The following ING5 variants were observed in gnomAD, a reference collection of about 807,000 sequenced individuals.
The protein encoded by ING5 is inhibitor of growth protein 5.
In ING5, 17 loss-of-function variants were observed where a neutral mutation model predicts 37.4. The observed-to-expected ratio is 0.45, with a 90% confidence interval of 0.31 to 0.68. ING5 has a LOEUF of 0.68. Among genes scored for constraint, ING5 ranks in the 30% least tolerant of loss-of-function variants. ING5 has a pLI of 0.05. For missense variants in ING5, 233 were observed against 311.9 expected (o/e 0.75, Z 1.91); for synonymous variants, 123 against 116.6 (o/e 1.06, Z -0.36).
rs1356948183 is a variant in ING5, at chr2:241,702,105, A to G, written c.37+3A>G. 1 of 1,339,184 alleles carries G rather than the reference A, an allele frequency of 7.5e-7. No homozygotes were observed. Among genetic ancestry groups the G allele is most frequent in the Non-Finnish European group, 9.6e-7 (1 of 1,037,006 alleles). 83.0% of individuals were successfully genotyped at this position (1,339,184 alleles called of 1,614,324 possible). ...GTACTTGGAGCACTATCTGGACAGT[A>G]AGCGCGCCCCACGGGCCCCGCGCCC... On this transcript the variant is annotated splice_donor_region_variant and intron_variant, in intron 1 of 7. Transcript: ENST00000313552.
chr2:241,707,000 C>T (rs1351982294), intron 2 of ING5, among the ~76,000 whole-genome samples: 7 of 132,412 alleles, frequency 5.3e-5, no homozygotes, highest in African/African-American at 2.0e-4. Flanking sequence ...ACTCTTGTTG[C>T]CCAGGCTGGC....
chr2:241,711,862 C>T, intron 4 of ING5, 116 bp from the exon 5 acceptor site: 1 of 928,022 alleles, frequency 1.1e-6, no homozygotes, highest in African/African-American at 1.7e-5. Context: ...GATTGCTCCG[C>T]TGCACTCCAG....
upstream of ING5, chr2:241,701,889 G>T (rs1409541970): frequency 5.9e-6 from 2 of 339,034 alleles, no homozygotes; most frequent in Non-Finnish European, 1.0e-5. Flanking sequence ...CACAACCTCC[G>T]CCCGGGCCCC....
At chr2:241,702,154 G>C in intron 1 of ING5, 52 bp downstream of exon 1, 1 of 1,132,366 alleles carries the variant, frequency 8.8e-7, no homozygotes, top group Non-Finnish European at 1.1e-6. Flanking sequence ...AGTCCTCCGT[G>C]CCGCAGCCCC....
chr2:241,687,507 G>C (rs527290084), exon 1 of ING5: 2 of 393,826 alleles, frequency 5.1e-6, no homozygotes, highest in Admixed American at 4.5e-5. Context: ...CAGGGCTCTG[G>C]AAAGTCCGTG....
chr2:241,721,723 A>T, intron 5 of ING5: 2 of 985,436 alleles, frequency 2.0e-6, no homozygotes, highest in Non-Finnish European at 1.2e-6. Context: ...TTTCTGTACT[A>T]ATGGGAATAC....
In ING5 at chr2:241,714,366, G is replaced by A. The variant is rs2070202781; in HGVS notation, c.482+2295G>A. Among the ~76,000 whole-genome samples the A allele has an allele frequency of 2.0e-5, 3 of 152,102 alleles. No individual in the cohort carries two copies. In the South Asian group the frequency reaches 6.2e-4, roughly 32 times the overall value. On this transcript the variant is annotated intron_variant, in intron 5 of 7. Transcript: ENST00000313552. ...TATTCTAAGTGTACAGTTTGATGTT[G>A]CATTCAGTTCCTTTAAAGTTATGGA...
chr2:241,704,065 C>T (rs994813260), intron 1 of ING5, among the ~76,000 whole-genome samples: 10 of 152,210 alleles, frequency 6.6e-5, no homozygotes, highest in South Asian at 4.1e-4. Context: ...GGGGGGCAGC[C>T]TAGAGGGTGG....
rs941051384 is a variant in ING5, at chr2:241,723,367, C to T, written c.680+96C>T. 3.9e-5 allele frequency: 52 copies of T among 1,322,966 alleles called. 1 individual carries two copies. The highest frequency in any genetic ancestry group is 2.0e-4 in the South Asian group (17 of 84,470). 82.0% of individuals were successfully genotyped at this position (1,322,966 alleles called of 1,614,324 possible). On this transcript the variant is annotated intron_variant, in intron 7 of 7. Transcript: ENST00000313552. ...AAGGTGCTCCATGGCAGAATCTTGC[C>T]GGGCTTAGCGGGACACGGTAGCCAC...
upstream of ING5, among the ~76,000 whole-genome samples, chr2:241,700,150 G>GT (rs780209565): frequency 0.15 from 10,762 of 73,068 alleles, 284 homozygotes; most frequent in Non-Finnish European, 0.17. Flanking sequence ...GCCCGGCTAA[G>GT]TTTTTTTTTT....
chr2:241,697,550 A>T (rs2069648698), upstream of ING5, among the ~76,000 whole-genome samples: 1 of 152,178 alleles, frequency 6.6e-6, no homozygotes, highest in Non-Finnish European at 1.5e-5. Flanking sequence ...CTGGGACCTT[A>T]AATGCATATT....
upstream of ING5, among the ~76,000 whole-genome samples, chr2:241,699,579 C>T (rs1559296863): frequency 6.6e-6 from 1 of 151,874 alleles, no homozygotes; most frequent in African/African-American, 2.4e-5. Flanking sequence ...GGCTTAATAT[C>T]TTTAAAAATG....
chr2:241,710,210 A>G (rs1400295754), intron 3 of ING5, among the ~76,000 whole-genome samples: 1 of 151,726 alleles, frequency 6.6e-6, no homozygotes, highest in Non-Finnish European at 1.5e-5. Context: ...AGGTTCAAGC[A>G]ATTCTCCTGC....
intron 2 of ING5, among the ~76,000 whole-genome samples, chr2:241,694,500 C>T (rs972949140): frequency 4.0e-5 from 6 of 151,674 alleles, no homozygotes; most frequent in African/African-American, 1.5e-4. Flanking sequence ...CACAAATAGG[C>T]AACAAATATG....
At chr2:241,719,910 G>T (rs576554278) in intron 5 of ING5, 306 of 1,317,460 alleles carry the variant, frequency 2.3e-4, no homozygotes, top group Non-Finnish European at 2.7e-4. Flanking sequence ...GATGGCGACA[G>T]TTGCGGGGCC....
chr2:241,708,044 C>T (rs537356955), intron 2 of ING5, among the ~76,000 whole-genome samples: 2 of 152,170 alleles, frequency 1.3e-5, no homozygotes, highest in African/African-American at 2.4e-5. Flanking sequence ...ACCATAGGCA[C>T]GTAACACCAT....
intron 2 of ING5, among the ~76,000 whole-genome samples, chr2:241,705,353 C>G (rs1406469407): frequency 6.6e-6 from 1 of 151,212 alleles, no homozygotes; most frequent in Non-Finnish European, 1.5e-5. Flanking sequence ...GCTGGGATTA[C>G]AAGCGTGAGC....
At chr2:241,695,020 A>G (rs897238212) in intron 2 of ING5, among the ~76,000 whole-genome samples, 5 of 144,488 alleles carry the variant, frequency 3.5e-5, no homozygotes, top group African/African-American at 1.0e-4. Flanking sequence ...CTCCGTCTCA[A>G]AAAAAAAGGA....
chr2:241,722,451 G>T (rs1338846119), intron 5 of ING5: 1 of 985,272 alleles, frequency 1.0e-6, no homozygotes, highest in African/African-American at 1.7e-5. Context: ...GGGGCCCTCT[G>T]TGCCCCCATG....
Sources: gnomAD v4.1 joint callset for allele counts (sites outside exome capture counted in the v4.1 genomes callset) on GRCh38, gnomAD v4.1.1 for gene constraint, MANE v1.5 for transcripts, NCBI Gene and HGNC (gene_info 2026-07-23, HGNC 2026-07-21) for gene names.